Variants in RASL12 observed in about 807,000 individuals in gnomAD.
RASL12 encodes ras-like protein family member 12.
RASL12 carries 16 observed loss-of-function variants against 22.9 expected under a neutral mutation model. The ratio of observed to expected loss-of-function variants is 0.70; its 90% CI spans 0.47 to 1.06. The LOEUF (loss-of-function observed/expected upper bound fraction) is 1.06, where lower values mean the gene tolerates loss of function less well. RASL12 is among the 50% of genes least tolerant of loss of function. The probability of loss-of-function intolerance (pLI) is 0.00; values close to 1 mark genes in which losing one functional copy is unlikely to be tolerated. For synonymous variants in RASL12, 159 were observed against 152.2 expected (o/e 1.04, Z -0.33); for missense variants, 306 against 353.1 (o/e 0.87, Z 1.07).
At chr15:65,046,019 G>T in the RASL12 span, among the ~76,000 whole-genome samples, 4 of 152,106 alleles carry the variant, frequency 2.6e-5, no homozygotes, top group Non-Finnish European at 5.9e-5. Context: ...TACAAAATTG[G>T]CCGGGTGCGG....
Position 65,062,923 on chromosome 15 carries a change from G to A in RASL12, c.160+2294C>T, listed in dbSNP as rs567666307. 2.6e-5 allele frequency among the ~76,000 whole-genome samples: 4 copies of A among 152,364 alleles called. No individual in the cohort carries two copies. The South Asian group carries it at 8.3e-4, about 32-fold the overall frequency. ...TGGCCTCCCAGAGAGTCTGAGGGGA[G>A]AATGTCTGGTTGGCTCTCTGACTCG... On this transcript the variant is annotated intron_variant, in intron 2 of 4. Transcript: ENST00000220062.
chr15:65,068,331 A>G (rs2086906235), upstream of RASL12: 1 of 977,272 alleles, frequency 1.0e-6, no homozygotes, highest in African/African-American at 1.8e-5. This position sits in a 1 kb window ranked among gnomAD's most constrained non-coding sequence, Gnocchi z 4.2. Context: ...TTGTTCTACC[A>G]AGCCAGCCCC....
At chr15:65,047,822 TAGATAG>T in the RASL12 span, among the ~76,000 whole-genome samples, 1 of 151,848 alleles carries the variant, frequency 6.6e-6, no homozygotes, top group African/African-American at 2.4e-5. Flanking sequence ...GATAGATAGA[TAGATAG>T]ATAGATAGAA....
chr15:65,076,630 C>A, exon 1 of RASL12: 2 of 702,084 alleles, frequency 2.8e-6, no homozygotes, highest in South Asian at 1.5e-5. Flanking sequence ...TCACACAGGT[C>A]TCCAGATGCC....
intron 2 of RASL12, among the ~76,000 whole-genome samples, chr15:65,060,581 T>C (rs2086790050): frequency 6.6e-6 from 1 of 152,256 alleles, no homozygotes; most frequent in Non-Finnish European, 1.5e-5. Flanking sequence ...TGCGGCCATG[T>C]TGGCAGTCAT....
At chr15:65,058,785 A>G (rs2086767401) in intron 3 of RASL12, among the ~76,000 whole-genome samples, 168 bp from the exon 4 acceptor site, 1 of 152,240 alleles carries the variant, frequency 6.6e-6, no homozygotes, top group South Asian at 2.1e-4. Context: ...GTGTGAAAGG[A>G]GACATTGTCT....
At chr15:65,050,833 C>CTTTTTTTTTTT (rs67418433), downstream of RASL12, among the ~76,000 whole-genome samples, 51 of 88,598 alleles carry the variant, frequency 5.8e-4, 2 homozygotes, top group South Asian at 1.5e-3. Context: ...TCTTCTTCTT[C>CTTTTTTTTTTT]TTCTTTTTTT....
chr15:65,050,825 T>TTCC (rs2086640505), downstream of RASL12, among the ~76,000 whole-genome samples: 1 of 76,952 alleles, frequency 1.3e-5, no homozygotes, highest in Non-Finnish European at 3.0e-5. Context: ...TTTTTCTTTC[T>TTCC]TCTTCTTCTT....
At chr15:65,058,727 T>C in intron 3 of RASL12, 110 bp from the exon 4 acceptor site, 1 of 809,100 alleles carries the variant, frequency 1.2e-6, no homozygotes, top group East Asian at 3.1e-5. Flanking sequence ...GTATATTGTT[T>C]CTCAGCAGAG....
chr15:65,068,053 C>G (rs2086902779), upstream of RASL12: 1 of 1,105,702 alleles, frequency 9.0e-7, no homozygotes, highest in Non-Finnish European at 1.1e-6. This position sits in a 1 kb window ranked among gnomAD's most constrained non-coding sequence, Gnocchi z 4.2. Flanking sequence ...CAAGCGCCAC[C>G]AAATTCCTTG....
chr15:65,073,391 G>A (rs1381291687), intron 1 of RASL12, among the ~76,000 whole-genome samples: 1 of 152,174 alleles, frequency 6.6e-6, no homozygotes, highest in Non-Finnish European at 1.5e-5. Context: ...GACAGTGACA[G>A]ATCATCAGGC....
At chr15:65,063,205 T>C (rs1324173313) in intron 2 of RASL12, among the ~76,000 whole-genome samples, 7 of 42,788 alleles carry the variant, frequency 1.6e-4, no homozygotes, top group Non-Finnish European at 3.5e-4. Context: ...TAAATCTGAA[T>C]CTCAAAAAAA....
At chr15:65,076,011 T>A (rs2086965652) in intron 1 of RASL12, among the ~76,000 whole-genome samples, 2 of 152,222 alleles carry the variant, frequency 1.3e-5, no homozygotes, top group African/African-American at 4.8e-5. Flanking sequence ...GGAAACTCTG[T>A]ATCTAACTAA....
the RASL12 span, among the ~76,000 whole-genome samples, chr15:65,047,377 T>G: frequency 6.6e-6 from 1 of 151,288 alleles, no homozygotes; most frequent in Non-Finnish European, 1.5e-5. Context: ...AAAATATACA[T>G]AGAAATATAT....
In RASL12 at chr15:65,054,755, A is replaced by T. The variant is rs2140513520; in HGVS notation, c.*144T>A. ...CCCTGCCTGCCACTCCAGCTCACAC[A>T]GTGAATTGAGTGTAGGGACACTGCT... On this transcript the variant is annotated 3_prime_UTR_variant, in exon 5 of 5. Transcript: ENST00000220062. 4 of 1,465,552 alleles carry T rather than the reference A, an allele frequency of 2.7e-6. No homozygotes were observed. Among genetic ancestry groups the T allele is most frequent in the Non-Finnish European group, 3.6e-6 (4 of 1,114,596 alleles). 90.8% of individuals were successfully genotyped at this position (1,465,552 alleles called of 1,614,324 possible).
the RASL12 span, among the ~76,000 whole-genome samples, chr15:65,047,648 T>A: frequency 6.6e-6 from 1 of 152,206 alleles, no homozygotes; most frequent in Non-Finnish European, 1.5e-5. Flanking sequence ...GGATGGAATG[T>A]CACAATCCTT....
At chr15:65,076,031 G>A (rs1168797886) in intron 1 of RASL12, among the ~76,000 whole-genome samples, 1 of 152,170 alleles carries the variant, frequency 6.6e-6, no homozygotes, top group Non-Finnish European at 1.5e-5. Context: ...ATCTGATGGG[G>A]ACGTGGAGAA....
chr15:65,057,852 G>A (rs192269929), intron 4 of RASL12, among the ~76,000 whole-genome samples: 1 of 152,328 alleles, frequency 6.6e-6, no homozygotes, highest in African/African-American at 2.4e-5. Context: ...AATCCACAGA[G>A]ACCCAAGAGC....
At chr15:65,075,338 C>G (rs957122872) in intron 1 of RASL12, among the ~76,000 whole-genome samples, 2 of 152,238 alleles carry the variant, frequency 1.3e-5, no homozygotes, top group African/African-American at 2.4e-5. Flanking sequence ...CGGCCCGAGC[C>G]TCCCCGACGA....
Sources: gnomAD v4.1 joint callset for allele counts (sites outside exome capture counted in the v4.1 genomes callset) on GRCh38, gnomAD v4.1.1 for gene constraint, Gnocchi (gnomAD v3.1) non-coding constraint, MANE v1.5 for transcripts, NCBI Gene and HGNC (gene_info 2026-07-23, HGNC 2026-07-21) for gene names.